NAA50: variants seen among roughly 807,000 people sequenced by gnomAD.
The protein encoded by NAA50 is N-alpha-acetyltransferase 50.
In NAA50, 7 loss-of-function variants were observed where a neutral mutation model predicts 20.7. The ratio of observed to expected loss-of-function variants is 0.34; its 90% CI spans 0.19 to 0.63. The LOEUF (loss-of-function observed/expected upper bound fraction) is 0.63, where lower values mean the gene tolerates loss of function less well. NAA50 is among the 30% of genes least tolerant of loss of function. The pLI is 0.75. For synonymous variants in NAA50, 54 were observed against 70.6 expected (o/e 0.77, Z 1.18); for missense variants, 111 against 199.1 (o/e 0.56, Z 2.66).
chr3:113,732,383 GA>G (rs1708282890), intron 1 of NAA50, among the ~76,000 whole-genome samples: 1 of 152,172 alleles, frequency 6.6e-6, no homozygotes, highest in Non-Finnish European at 1.5e-5. Flanking sequence ...GCCTCTAGGA[GA>G]AACACAATCC....
chr3:113,738,283 T>C (rs1202617318), intron 1 of NAA50, among the ~76,000 whole-genome samples: 1 of 152,252 alleles, frequency 6.6e-6, no homozygotes, highest in African/African-American at 2.4e-5. Flanking sequence ...TTTCTTTCAC[T>C]GCCATCTAAA....
chr3:113,721,702 A>G lies in NAA50; in HGVS notation c.*58T>C. ...AAGTGTTGGGGTGGGGGAGGAATCA[A>G]TGGGCCTCTCTTTTATTTGGCGACA... On this transcript the variant is annotated 3_prime_UTR_variant, in exon 5 of 5. Coordinates refer to ENST00000240922, the MANE Select transcript of NAA50 (RefSeq NM_025146.4). 1 of 1,583,170 alleles carries G rather than the reference A, an allele frequency of 6.3e-7. No individual in the cohort carries two copies. Among genetic ancestry groups the G allele is most frequent in the Non-Finnish European group, 8.7e-7 (1 of 1,154,680 alleles).
chr3:113,720,540 TAAC>T lies in NAA50; in HGVS notation c.*1217_*1219del, dbSNP rs1365013731. 6.6e-6 allele frequency: 1 copy of T among 152,654 alleles called. No homozygotes were observed. The highest frequency in any genetic ancestry group is 2.4e-5 in the African/African-American group (1 of 41,472). The allele number at this position is 152,654 out of a possible 1,614,324, so 9.5% of individuals were successfully genotyped here. ...GAGGTCACAGTGACATTTGTATTAT[TAAC>T]ATTTTACACTTCTATTTTTCCAAGA... On this transcript the variant is annotated 3_prime_UTR_variant, in exon 5 of 5. Coordinates refer to ENST00000240922, the MANE Select transcript of NAA50 (RefSeq NM_025146.4).
rs1205032665 is a variant in NAA50 at position 113,723,450 on chromosome 3, A to T, written c.237T>A (p.Cys79Ter). 1 of 1,612,468 alleles carries T rather than the reference A, an allele frequency of 6.2e-7. No individual in the cohort carries two copies. Among genetic ancestry groups the T allele is most frequent in the Non-Finnish European group, 8.5e-7 (1 of 1,179,090 alleles). ...QKRLYIMTLG[C>*]LAPYRRLGIG... ...TTCCTAGCCTTCGGTAAGGTGCCAG[A>T]CATCCTAGTGTCATGATGTAAAGTC... Residue 79 changes from cysteine (C) to a stop codon, truncating the protein, a stop_gained, in exon 3 of 5, where the codon TGT (cysteine) becomes TGA (stop). Transcript: ENST00000240922. LOFTEE classifies it high-confidence loss of function.
Position 113,727,957 on chromosome 3 carries a change from G to C in NAA50, c.9-3862C>G, listed in dbSNP as rs11921833. Reference sequence around the variant, plus strand: ...TCTCATTAACATGATATGTCTGACTGAAATGGAATACTTCTGTAATCCTGA... The same window carrying C: ...TCTCATTAACATGATATGTCTGACTCAAATGGAATACTTCTGTAATCCTGA... On this transcript the variant is annotated intron_variant, in intron 1 of 4. Transcript: ENST00000240922. 2.1e-3 allele frequency among the ~76,000 whole-genome samples: 326 copies of C among 152,072 alleles called. 1 individual carries two copies. Among genetic ancestry groups the C allele is most frequent in the African/African-American group, 6.9e-3 (287 of 41,496 alleles).
intron 2 of NAA50, 64 bp from the exon 3 acceptor site, chr3:113,723,605 C>T: frequency 6.7e-7 from 1 of 1,495,964 alleles, no homozygotes. Flanking sequence ...ATCTTTTTCC[C>T]TTTTAAAGGA....
Position 113,721,865 on chromosome 3 carries a change from CTTT to C in NAA50, c.402_404del (p.Lys136del), listed in dbSNP as rs1559736782. The C allele has an allele frequency of 6.2e-7, 1 of 1,613,914 alleles. No homozygotes were observed. Among genetic ancestry groups the C allele is most frequent in the Non-Finnish European group, 8.5e-7 (1 of 1,179,852 alleles). ...GCTCTATCCTCTTATAGTAGTTCTT[CTTT>C]GTCTCAATAATCTCAAAGCCAAACT... On this transcript the variant is annotated inframe_deletion, in exon 5 of 5. Transcript: ENST00000240922.
Position 113,730,136 on chromosome 3 carries a change from C to T in NAA50, c.9-6041G>A, listed in dbSNP as rs1438389027. Among the ~76,000 whole-genome samples the T allele has an allele frequency of 2.6e-5, 4 of 152,040 alleles. No homozygotes were observed. The East Asian group carries it at 7.8e-4, about 30-fold the overall frequency. ...CCAACATGGTGAAACCCTGTCTCTA[C>T]TAAAAATACAAAAAATTAGCCAGGT... On this transcript the variant is annotated intron_variant, in intron 1 of 4. Transcript: ENST00000240922.
In NAA50 at chr3:113,721,175, A is replaced by G. The variant is rs893386286; in HGVS notation, c.*585T>C. On this transcript the variant is annotated 3_prime_UTR_variant, in exon 5 of 5. Transcript: ENST00000240922. Reference sequence around the variant, plus strand: ...AACCAAACTGCCCCACCCACCAGCAAGAAGAGAAGATATAATTACTTAAAA... The same window carrying G: ...AACCAAACTGCCCCACCCACCAGCAGGAAGAGAAGATATAATTACTTAAAA... The G allele has an allele frequency of 6.5e-6, 1 of 153,042 alleles. No homozygotes were observed. Among genetic ancestry groups the G allele is most frequent in the African/African-American group, 2.4e-5 (1 of 41,456 alleles). The allele number at this position is 153,042 out of a possible 1,614,324, so 9.5% of individuals were successfully genotyped here. A position where few individuals can be genotyped will look rare whatever the true frequency, so the allele number is the denominator to read the frequency against.
intron 1 of NAA50, among the ~76,000 whole-genome samples, chr3:113,735,280 T>C (rs1395274499): frequency 6.6e-6 from 1 of 152,230 alleles, no homozygotes; most frequent in East Asian, 1.9e-4. Context: ...AACCTGGTTA[T>C]ATACCAGAAT....
At chr3:113,727,175 C>T (rs1708209366) in intron 1 of NAA50, among the ~76,000 whole-genome samples, 1 of 152,110 alleles carries the variant, frequency 6.6e-6, no homozygotes, top group South Asian at 2.1e-4. Context: ...TACCATAGTG[C>T]CACAAGTTGG....
chr3:113,740,134 A>G (rs1708395179), intron 1 of NAA50, among the ~76,000 whole-genome samples: 1 of 152,160 alleles, frequency 6.6e-6, no homozygotes, highest in Admixed American at 6.5e-5. Context: ...TAGCATCCAC[A>G]TTTACAAGGG....
At chr3:113,723,864 CTAAAT>C (rs1708166444) in intron 2 of NAA50, 90 bp downstream of exon 2, 3 of 1,335,410 alleles carry the variant, frequency 2.2e-6, no homozygotes, top group Non-Finnish European at 3.0e-6. Context: ...AATAAACAAA[CTAAAT>C]TAGTTAACTT....
chr3:113,743,955 G>A (rs536974417), intron 1 of NAA50, among the ~76,000 whole-genome samples: 5 of 152,174 alleles, frequency 3.3e-5, no homozygotes, highest in Non-Finnish European at 7.3e-5. Flanking sequence ...GTATCAGAAA[G>A]AACATCACAG....
chr3:113,737,770 T>C (rs1042947501), intron 1 of NAA50, among the ~76,000 whole-genome samples: 2 of 152,144 alleles, frequency 1.3e-5, no homozygotes, highest in African/African-American at 4.8e-5. Flanking sequence ...ATCCCTAGAT[T>C]TTACCCACTG....
intron 1 of NAA50, among the ~76,000 whole-genome samples, chr3:113,729,709 T>C (rs1319678435): frequency 6.6e-6 from 1 of 151,730 alleles, no homozygotes; most frequent in African/African-American, 2.4e-5. Context: ...CTTTCAGCTA[T>C]TTTTGTTTTG....
rs910161470 is a variant in NAA50 at position 113,716,593 on chromosome 3, G to A, written c.*5167C>T. The A allele has an allele frequency of 1.3e-5, 2 of 152,204 alleles. No individual in the cohort carries two copies. Among genetic ancestry groups the A allele is most frequent in the Non-Finnish European group, 2.9e-5 (2 of 68,028 alleles). 9.4% of individuals were successfully genotyped at this position (152,204 alleles called of 1,614,324 possible). On this transcript the variant is annotated 3_prime_UTR_variant, in exon 5 of 5. Coordinates refer to ENST00000240922, the MANE Select transcript of NAA50 (RefSeq NM_025146.4). ...CTCAAAGATAAACTAGACAAGTTCA[G>A]TATGGACAAAGAAACAAAGAAAAGC...
At chr3:113,728,174 A>G (rs556359147) in intron 1 of NAA50, among the ~76,000 whole-genome samples, 18 of 152,200 alleles carry the variant, frequency 1.2e-4, no homozygotes, top group Non-Finnish European at 2.1e-4. Flanking sequence ...TTTAGTTAGA[A>G]TAACCTATAA....
chr3:113,733,704 T>C (rs1178391481), intron 1 of NAA50, among the ~76,000 whole-genome samples: 1 of 151,294 alleles, frequency 6.6e-6, no homozygotes, highest in Non-Finnish European at 1.5e-5. Context: ...GTACCAAAAA[T>C]TAGCCAGGTG....
Sources: gnomAD v4.1 joint callset for allele counts (sites outside exome capture counted in the v4.1 genomes callset) on GRCh38, gnomAD v4.1.1 for gene constraint, MANE v1.5 for transcripts, NCBI Gene and HGNC (gene_info 2026-07-23, HGNC 2026-07-21) for gene names.